The following DOCK5 variants were observed in gnomAD, a reference collection of about 807,000 sequenced individuals.
DOCK5 encodes the protein dedicator of cytokinesis protein 5.
Under a neutral mutation model 251.8 loss-of-function variants are expected in DOCK5, and 142 were observed. That is an observed-to-expected ratio of 0.56 (90% CI 0.49 to 0.65). The LOEUF is 0.65. Ranked by LOEUF, DOCK5 falls within the 30% of genes least tolerant of loss-of-function variation. The pLI is 0.00. For synonymous variants in DOCK5, 842 were observed against 835.5 expected, an observed-to-expected ratio of 1.01 and a Z score of -0.13; for missense variants, 2,111 against 2,312.3, an observed-to-expected ratio of 0.91 and a Z score of 1.79.
rs760779248 is a variant in DOCK5, at chr8:25,389,179, A to T, written c.4220A>T (p.Lys1407Met). Reference sequence around the variant, plus strand: ...TTAACCCAGTTCCCCAATGCGGAGAAGATGACCAGTACCACGCCTCCTGGG... The same window carrying T: ...TTAACCCAGTTCCCCAATGCGGAGATGATGACCAGTACCACGCCTCCTGGG... ...RLLTQFPNAE[K>M]MTSTTPPGED... The change falls in exon 41 of 52, where the codon AAG (lysine) becomes ATG (methionine). Residue 1407 changes from lysine (K) to methionine (M), a missense_variant. By Grantham distance (95) the Lys-to-Met change is moderately conservative (BLOSUM62 -1). Around this residue, in one of 3 missense-constraint regions of DOCK5, gnomAD observed 1,717 missense variants for 1,892.4 expected, o/e 0.91. Transcript: ENST00000276440. 3 of 1,614,042 alleles carry T rather than the reference A, an allele frequency of 1.9e-6. No individual in the cohort carries two copies. The highest frequency in any genetic ancestry group is 2.5e-6 in the Non-Finnish European group (3 of 1,179,880).
Position 25,323,832 on chromosome 8 carries a change from C to G in DOCK5, c.1616-16C>G. 1 of 1,610,284 alleles carries G rather than the reference C, an allele frequency of 6.2e-7. No individual in the cohort carries two copies. Among genetic ancestry groups the G allele is most frequent in the Non-Finnish European group, 8.5e-7 (1 of 1,178,298 alleles). ...GTCTCTCTGCACTGCTCAGACATGT[C>G]TTTCTGCCTTTTCAGCCAGAGATAA... On this transcript the variant is annotated splice_polypyrimidine_tract_variant and intron_variant, in intron 16 of 51. Transcript: ENST00000276440.
intron 34 of DOCK5, among the ~76,000 whole-genome samples, chr8:25,371,165 C>G (rs1800866212): frequency 6.6e-6 from 1 of 151,578 alleles, no homozygotes. Flanking sequence ...CAACTGTATT[C>G]TTTTTTGAAG....
chr8:25,371,149 T>C (rs1800865874), intron 34 of DOCK5, among the ~76,000 whole-genome samples: 1 of 112,498 alleles, frequency 8.9e-6, no homozygotes, highest in African/African-American at 3.3e-5. Flanking sequence ...TTGAGGACAG[T>C]GCTCCCAACT....
chr8:25,275,519 A>G (rs1467461534), intron 4 of DOCK5, 78 bp downstream of exon 4: 6 of 1,403,886 alleles, frequency 4.3e-6, no homozygotes, highest in Non-Finnish European at 6.0e-6. Context: ...TTAGGCATTA[A>G]TGCCTTATGT....
chr8:25,242,239 G>T (rs1802973238), intron 1 of DOCK5, among the ~76,000 whole-genome samples: 1 of 152,028 alleles, frequency 6.6e-6, no homozygotes, highest in Non-Finnish European at 1.5e-5. Context: ...ATTTCTTTTG[G>T]CCGGGGGGCA....
chr8:25,363,371 A>G (rs1800722241), intron 29 of DOCK5, among the ~76,000 whole-genome samples: 1 of 152,122 alleles, frequency 6.6e-6, no homozygotes, highest in Non-Finnish European at 1.5e-5. Flanking sequence ...TCGTCTCTTC[A>G]GTGCTCTCAT....
intron 2 of DOCK5, among the ~76,000 whole-genome samples, chr8:25,245,578 C>T (rs1158286418): frequency 3.4e-5 from 5 of 146,958 alleles, no homozygotes; most frequent in African/African-American, 5.1e-5. Flanking sequence ...CTCATTCTGT[C>T]GTCCAGGCTG....
At chr8:25,334,585 C>G (rs1563205530) in intron 21 of DOCK5, among the ~76,000 whole-genome samples, 1 of 151,992 alleles carries the variant, frequency 6.6e-6, no homozygotes, top group Non-Finnish European at 1.5e-5. Flanking sequence ...GTGACACACA[C>G]CTGTAGTCCT....
intron 2 of DOCK5, among the ~76,000 whole-genome samples, chr8:25,263,957 T>A (rs1803663537): frequency 6.6e-6 from 1 of 151,924 alleles, no homozygotes; most frequent in Admixed American, 6.5e-5. Flanking sequence ...TACCAAAGAC[T>A]ACTGTCCTCC....
At chr8:25,307,252 G>T (rs927958537) in intron 11 of DOCK5, among the ~76,000 whole-genome samples, 1 of 152,000 alleles carries the variant, frequency 6.6e-6, no homozygotes, top group Non-Finnish European at 1.5e-5. Flanking sequence ...CTGAGTAGCT[G>T]AGATTACAGG....
At position 25,389,161 on chromosome 8, in the gene DOCK5, A is replaced by G. The variant is rs773079987; in HGVS notation, c.4202A>G (p.Gln1401Arg). The G allele has an allele frequency of 1.2e-6, 2 of 1,614,036 alleles. No individual in the cohort carries two copies. The highest frequency in any genetic ancestry group is 1.7e-6 in the Non-Finnish European group (2 of 1,179,890). Reference protein sequence around the residue: ...REDFSLRLLTQFPNAEKMTST... With the variant: ...REDFSLRLLTRFPNAEKMTST... ...GACTTCAGCCTGAGGTTGTTAACCC[A>G]GTTCCCCAATGCGGAGAAGATGACC... Residue 1401 changes from glutamine (Q) to arginine (R), a missense_variant, in exon 41 of 52, where the codon CAG becomes CGG. Around this residue, in one of 3 missense-constraint regions of DOCK5, gnomAD observed 1,717 missense variants for 1,892.4 expected, o/e 0.91. Transcript: ENST00000276440.
intron 3 of DOCK5, chr8:25,270,890 C>A: frequency 2.9e-6 from 2 of 680,180 alleles, no homozygotes; most frequent in South Asian, 1.6e-5. Context: ...CATTTCCTCC[C>A]GTGTACTTTA....
At chr8:25,294,874 G>T (rs1161669478) in intron 6 of DOCK5, among the ~76,000 whole-genome samples, 1 of 152,046 alleles carries the variant, frequency 6.6e-6, no homozygotes, top group African/African-American at 2.4e-5. Context: ...AGAGAGGTGG[G>T]AGGGGCTACA....
intron 1 of DOCK5, among the ~76,000 whole-genome samples, chr8:25,185,200 A>G (rs1287298132): frequency 6.6e-6 from 1 of 152,048 alleles, no homozygotes; most frequent in African/African-American, 2.4e-5. Flanking sequence ...CCGCTCTTGC[A>G]TCCCAATCTC....
intron 16 of DOCK5, among the ~76,000 whole-genome samples, chr8:25,321,452 A>C (rs1468561406): frequency 2.0e-5 from 3 of 152,220 alleles, no homozygotes; most frequent in Non-Finnish European, 4.4e-5. Flanking sequence ...AAATAATTAT[A>C]CAACTCACCA....
chr8:25,305,865 T>C (rs1174152306), intron 11 of DOCK5, among the ~76,000 whole-genome samples: 1 of 152,226 alleles, frequency 6.6e-6, no homozygotes, highest in African/African-American at 2.4e-5. Context: ...TAACAGTGAT[T>C]ATTTCTGTTG....
chr8:25,226,787 G>A (rs1397464816), intron 1 of DOCK5, among the ~76,000 whole-genome samples: 6 of 152,014 alleles, frequency 3.9e-5, no homozygotes, highest in East Asian at 3.9e-4. Context: ...GGGTTTCACC[G>A]TGTTAGCCAA....
chr8:25,384,245 A>G lies in DOCK5; in HGVS notation c.4131+1467A>G, dbSNP rs140263071. On this transcript the variant is annotated intron_variant, in intron 40 of 51. Coordinates refer to ENST00000276440, the MANE Select transcript of DOCK5 (RefSeq NM_024940.8). ...CCTAGGCAACGCTTCCTATCAGGAC[A>G]GAAAGTAGATCAGTGGTTGCTGGCC... 2.1e-3 allele frequency among the ~76,000 whole-genome samples: 325 copies of G among 152,316 alleles called. 1 individual carries two copies. The highest frequency in any genetic ancestry group is 7.1e-3 in the African/African-American group (294 of 41,576).
intron 26 of DOCK5, among the ~76,000 whole-genome samples, chr8:25,347,751 A>G (rs923314461): frequency 2.0e-5 from 3 of 152,176 alleles, no homozygotes; most frequent in Admixed American, 1.3e-4. Context: ...CTCTGCAGCT[A>G]TTTGTCCTTA....
Sources: gnomAD v4.1 joint callset for allele counts (sites outside exome capture counted in the v4.1 genomes callset) on GRCh38, gnomAD v4.1.1 for gene constraint, gnomAD v4.1.1 regional missense constraint, MANE v1.5 for transcripts, NCBI Gene and HGNC (gene_info 2026-07-23, HGNC 2026-07-21) for gene names.